Variants in CFAP300 observed in about 807,000 individuals in gnomAD.
The protein encoded by CFAP300 is cilia- and flagella-associated protein 300.
CFAP300 carries 32 observed loss-of-function variants against 33.0 expected under a neutral mutation model. The observed-to-expected ratio is 0.97, with a 90% CI of 0.73 to 1.30. The LOEUF (loss-of-function observed/expected upper bound fraction) is 1.30, where lower values mean the gene tolerates loss of function less well. Among genes scored for constraint, CFAP300 ranks in the 50% most tolerant of loss-of-function variants. The pLI, the probability that CFAP300 is intolerant of heterozygous loss-of-function variation, is 0.00. For missense variants in CFAP300, 356 were observed against 318.1 expected, an observed-to-expected ratio of 1.12 and a Z score of -0.90; for synonymous variants, 102 against 106.8, an observed-to-expected ratio of 0.95 and a Z score of 0.28.
At chr11:102,076,120 CACA>C in intron 5 of CFAP300, 75 bp downstream of exon 5, 1 of 1,469,556 alleles carries the variant, frequency 6.8e-7, no homozygotes, top group Non-Finnish European at 9.1e-7. Context: ...GATGGAATTA[CACA>C]ACATCATTCA....
intron 4 of CFAP300, 133 bp from the exon 5 acceptor site, chr11:102,075,740 C>T (rs1591326306): frequency 3.3e-6 from 2 of 605,672 alleles, no homozygotes; most frequent in African/African-American, 1.9e-5. Context: ...TTACAGGTTA[C>T]TCTCTTCAGT....
At chr11:102,047,770 A>C in intron 1 of CFAP300, 45 bp from the exon 2 acceptor site, 1 of 1,597,552 alleles carries the variant, frequency 6.3e-7, no homozygotes, top group Non-Finnish European at 8.6e-7. Flanking sequence ...GCGCTCTGAG[A>C]GGGTGCCAGC....
At chr11:102,063,652 C>T (rs145320398) in intron 3 of CFAP300, among the ~76,000 whole-genome samples, 1 of 152,184 alleles carries the variant, frequency 6.6e-6, no homozygotes, top group African/African-American at 2.4e-5. Context: ...ACACAGCAGA[C>T]CCTATCTCTA....
intron 2 of CFAP300, among the ~76,000 whole-genome samples, chr11:102,054,601 C>T (rs1289117909): frequency 6.6e-6 from 1 of 151,740 alleles, no homozygotes; most frequent in Non-Finnish European, 1.5e-5. Context: ...TGTTGGCGCA[C>T]TTCTGTAGTC....
intron 2 of CFAP300, among the ~76,000 whole-genome samples, chr11:102,055,323 G>A (rs1286787511): frequency 2.2e-5 from 3 of 137,782 alleles, no homozygotes; most frequent in Non-Finnish European, 3.1e-5. Flanking sequence ...TCATATAAAT[G>A]TATAAAAGTT....
intron 4 of CFAP300, among the ~76,000 whole-genome samples, chr11:102,075,065 G>A (rs67727642): frequency 0.12 from 18,942 of 152,098 alleles, 1,623 homozygotes; most frequent in East Asian, 0.39. Context: ...GAGCCCAGGA[G>A]TTTGACACCA....
chr11:102,058,833 A>T, intron 2 of CFAP300, 47 bp from the exon 3 acceptor site: 1 of 1,099,196 alleles, frequency 9.1e-7, no homozygotes, highest in Non-Finnish European at 1.3e-6. Context: ...TTTTACTATC[A>T]TTTATAATAA....
intron 4 of CFAP300, among the ~76,000 whole-genome samples, chr11:102,069,384 G>A (rs937562549): frequency 6.6e-6 from 1 of 152,200 alleles, no homozygotes; most frequent in Non-Finnish European, 1.5e-5. Context: ...TGGCTCAGAA[G>A]TGTGACCTCT....
At chr11:102,054,237 G>A (rs555703052) in intron 2 of CFAP300, among the ~76,000 whole-genome samples, 3 of 152,228 alleles carry the variant, frequency 2.0e-5, no homozygotes, top group South Asian at 2.1e-4. Flanking sequence ...TCCCAATGCC[G>A]TTAGATTATG....
At chr11:102,052,024 A>G (rs887803881) in intron 2 of CFAP300, among the ~76,000 whole-genome samples, 1 of 152,256 alleles carries the variant, frequency 6.6e-6, no homozygotes, top group Non-Finnish European at 1.5e-5. Context: ...TGGAAATTCC[A>G]TAACAAGCCA....
intron 5 of CFAP300, among the ~76,000 whole-genome samples, chr11:102,080,399 G>GT (rs1195506179): frequency 6.6e-6 from 1 of 151,860 alleles, no homozygotes; most frequent in African/African-American, 2.4e-5. Context: ...GTTGTTTGGG[G>GT]TTTTTTGGGA....
chr11:102,052,954 G>A (rs576795235), intron 2 of CFAP300, among the ~76,000 whole-genome samples: 4 of 152,332 alleles, frequency 2.6e-5, no homozygotes, highest in South Asian at 4.1e-4. Context: ...CTGGCCAGGC[G>A]CACTGGCTCA....
At chr11:102,060,600 A>G (rs1417692234) in intron 3 of CFAP300, among the ~76,000 whole-genome samples, 1 of 152,186 alleles carries the variant, frequency 6.6e-6, no homozygotes, top group East Asian at 1.9e-4. Context: ...AATGAAAGCT[A>G]TATTTTAAAT....
intron 2 of CFAP300, among the ~76,000 whole-genome samples, chr11:102,048,739 A>T (rs1018337230): frequency 1.3e-5 from 2 of 152,172 alleles, no homozygotes; most frequent in Non-Finnish European, 2.9e-5. Context: ...ACTTTGAGAG[A>T]GGTAAAACTC....
At position 102,047,587 on chromosome 11, in the gene CFAP300, A is replaced by C. The variant is rs1301062341; in HGVS notation, c.110+7A>C. 2 of 1,535,170 alleles carry C rather than the reference A, an allele frequency of 1.3e-6. No individual in the cohort carries two copies. Among genetic ancestry groups the C allele is most frequent in the East Asian group, 2.4e-5 (1 of 40,904 alleles). On this transcript the variant is annotated splice_region_variant and intron_variant, in intron 1 of 6. Coordinates refer to ENST00000434758, the MANE Select transcript of CFAP300 (RefSeq NM_032930.3). ...CCAGCCGGCTCCGCCAGTGGTGAGG[A>C]ACCGAGGCACAGGGAGAGAAGAGGC...
chr11:102,081,093 G>T lies in CFAP300; in HGVS notation c.609-122G>T, dbSNP rs1252811961. 4.4e-5 allele frequency: 29 copies of T among 659,264 alleles called. No individual in the cohort carries two copies. The South Asian group carries it at 8.4e-4, about 19-fold the overall frequency. 40.8% of individuals were successfully genotyped at this position (659,264 alleles called of 1,614,324 possible). On this transcript the variant is annotated intron_variant, in intron 5 of 6. Coordinates refer to ENST00000434758, the MANE Select transcript of CFAP300 (RefSeq NM_032930.3). ...GCCATTTTTTCAAACCACTTAGTTGGATAGTATGTATTTCCATGTTCTATA... is the reference window on the plus strand; with the variant it reads ...GCCATTTTTTCAAACCACTTAGTTGTATAGTATGTATTTCCATGTTCTATA...
intron 4 of CFAP300, among the ~76,000 whole-genome samples, chr11:102,069,322 T>TTACTCAC (rs1190823122): frequency 6.6e-6 from 1 of 152,180 alleles, no homozygotes; most frequent in Non-Finnish European, 1.5e-5. Context: ...GCACTACAGA[T>TTACTCAC]TGTATTGCCT....
chr11:102,070,282 A>T (rs1019711142), intron 4 of CFAP300, among the ~76,000 whole-genome samples: 14 of 152,234 alleles, frequency 9.2e-5, no homozygotes, highest in Non-Finnish European at 1.9e-4. Context: ...AGGCATTATA[A>T]ATAAACTGTG....
chr11:102,055,621 CA>C (rs1287421846), intron 2 of CFAP300, among the ~76,000 whole-genome samples: 3 of 142,612 alleles, frequency 2.1e-5, no homozygotes, highest in African/African-American at 7.8e-5. Flanking sequence ...GTGCTGGGAC[CA>C]TAGGCGTGAG....
Sources: allele counts gnomAD v4.1 joint callset (sites outside exome capture counted in the v4.1 genomes callset), GRCh38; gene constraint gnomAD v4.1.1; transcripts MANE v1.5; gene names NCBI Gene and HGNC (gene_info 2026-07-23, HGNC 2026-07-21).